The following ASXL1 variants were observed in gnomAD, a reference collection of about 807,000 sequenced individuals.
ASXL1 encodes the protein polycomb group protein ASXL1.
In ASXL1, 65 loss-of-function variants were observed where a neutral mutation model predicts 89.1. The ratio of observed to expected loss-of-function variants is 0.73; its 90% CI spans 0.60 to 0.90. The LOEUF is 0.90. ASXL1 is among the 40% of genes least tolerant of loss of function. The pLI, the probability that ASXL1 is intolerant of heterozygous loss-of-function variation, is 0.00. For synonymous variants in ASXL1, 739 were observed against 746.9 expected (o/e 0.99, Z 0.17); for missense variants, 1,786 against 1,942.9 (o/e 0.92, Z 1.52).
At chr20:32,368,621 G>A (rs146501230) in intron 3 of ASXL1, among the ~76,000 whole-genome samples, 128 of 152,220 alleles carry the variant, frequency 8.4e-4, no homozygotes, top group African/African-American at 3.0e-3. Flanking sequence ...CAGTTTCTGA[G>A]TATGATATGT....
chr20:32,385,161 G>C (rs1449457500), intron 4 of ASXL1, among the ~76,000 whole-genome samples: 1 of 152,176 alleles, frequency 6.6e-6, no homozygotes, highest in Non-Finnish European at 1.5e-5. Context: ...CCAGACAGAC[G>C]TTATACTCCT....
rs1266341581 is a variant in ASXL1 at position 32,433,774 on chromosome 20, T to A, written c.1576T>A (p.Ser526Thr). 1.1e-5 allele frequency: 17 copies of A among 1,613,982 alleles called. No homozygotes were observed. Among genetic ancestry groups the A allele is most frequent in the Non-Finnish European group, 1.4e-5 (16 of 1,180,030 alleles). Reference sequence around the variant, plus strand: ...GGAACCCAAGGATCAGAAGAGGAAATCCTTTGAGCAGGCGGCCTCTGCATC... The same window carrying A: ...GGAACCCAAGGATCAGAAGAGGAAAACCTTTGAGCAGGCGGCCTCTGCATC... ...DQEPKDQKRK[S>T]FEQAASASFP... is the part of the protein sequence containing the mutation. The change falls in exon 12 of 13, where the codon TCC becomes ACC. Residue 526 changes from serine to threonine, a missense_variant. Around this residue, in one of 3 missense-constraint regions of ASXL1, gnomAD observed 1,418 missense variants for 1,427.8 expected, o/e 0.99. Transcript: ENST00000375687.
intron 4 of ASXL1, among the ~76,000 whole-genome samples, chr20:32,397,154 C>T (rs1187355820): frequency 2.0e-5 from 3 of 146,846 alleles, no homozygotes; most frequent in Non-Finnish European, 3.0e-5. Flanking sequence ...AAGCAGTTCT[C>T]CTGCCTCAGC....
intron 1 of ASXL1, chr20:32,359,565 C>A (rs2048074883): frequency 3.0e-6 from 2 of 657,628 alleles, no homozygotes; most frequent in African/African-American, 1.8e-5. Flanking sequence ...TTGAGAAACG[C>A]AGACTGGGCT....
At chr20:32,377,424 G>A (rs2048405136) in intron 4 of ASXL1, among the ~76,000 whole-genome samples, 1 of 151,904 alleles carries the variant, frequency 6.6e-6, no homozygotes, top group East Asian at 1.9e-4. Context: ...TTTTGGGCAT[G>A]ACAAAGGGTT....
chr20:32,404,810 C>G (rs919058963), intron 4 of ASXL1, among the ~76,000 whole-genome samples: 15 of 152,240 alleles, frequency 9.9e-5, no homozygotes, highest in African/African-American at 3.6e-4. Context: ...AGGACGTTTT[C>G]TTCTATTCCT....
chr20:32,375,619 A>G lies in ASXL1; in HGVS notation c.252+6496A>G, dbSNP rs1466371102. Among the ~76,000 whole-genome samples, 4 of 152,058 alleles carry G rather than the reference A, an allele frequency of 2.6e-5. 1 individual carries two copies. In the Middle Eastern group the frequency reaches 0.01, roughly 388 times the overall value. On this transcript the variant is annotated intron_variant, in intron 4 of 12. Transcript: ENST00000375687. Reference sequence around the variant, plus strand: ...GTGGCCTAAAATCCTGTATCCAATCATGATATTTTTGAACAATCCAGACTA... The same window carrying G: ...GTGGCCTAAAATCCTGTATCCAATCGTGATATTTTTGAACAATCCAGACTA...
chr20:32,422,788 T>C (rs1396347458), intron 4 of ASXL1, among the ~76,000 whole-genome samples: 2 of 151,802 alleles, frequency 1.3e-5, no homozygotes, highest in East Asian at 1.9e-4. Context: ...GGTTTCACCA[T>C]GTTGGCCAGG....
At chr20:32,426,088 G>GT (rs1425774027) in intron 4 of ASXL1, among the ~76,000 whole-genome samples, 1 of 152,100 alleles carries the variant, frequency 6.6e-6, no homozygotes, top group East Asian at 1.9e-4. Context: ...AGGTAATAAT[G>GT]TTTTTTGATG....
At chr20:32,414,342 A>G (rs1408686855) in intron 4 of ASXL1, among the ~76,000 whole-genome samples, 4 of 150,588 alleles carry the variant, frequency 2.7e-5, no homozygotes, top group African/African-American at 9.8e-5. Context: ...CTAGGAGATA[A>G]TCTGTTGTTT....
In ASXL1 at chr20:32,358,742, C is replaced by T. The variant is rs2048055215; in HGVS notation, c.-34C>T. ...CCCCAGCCCGCCCAGCCCGGAGGTCCCGCGTGGAGCTGCCGCCGCCGCCGG... is the reference window on the plus strand; with the variant it reads ...CCCCAGCCCGCCCAGCCCGGAGGTCTCGCGTGGAGCTGCCGCCGCCGCCGG... On this transcript the variant is annotated 5_prime_UTR_variant, in exon 1 of 13. Coordinates refer to ENST00000375687, the MANE Select transcript of ASXL1 (RefSeq NM_015338.6). 2.2e-6 allele frequency: 3 copies of T among 1,391,774 alleles called. No homozygotes were observed. Among genetic ancestry groups the T allele is most frequent in the Non-Finnish European group, 2.9e-6 (3 of 1,039,580 alleles). The allele number at this position is 1,391,774 out of a possible 1,614,324, so 86.2% of individuals were successfully genotyped here. A position where few individuals can be genotyped will look rare whatever the true frequency, so the allele number is the denominator to read the frequency against.
chr20:32,367,639 G>A (rs1600473116), intron 2 of ASXL1, 88 bp from the exon 3 acceptor site: 3 of 775,292 alleles, frequency 3.9e-6, no homozygotes, highest in East Asian at 4.8e-5. Context: ...CCACTGTGTA[G>A]TGTTATAATT....
chr20:32,381,455 G>T (rs2048483533), intron 4 of ASXL1, among the ~76,000 whole-genome samples: 1 of 151,386 alleles, frequency 6.6e-6, no homozygotes, highest in African/African-American at 2.4e-5. Flanking sequence ...ACCTGCCTCA[G>T]CCTCCCAAAA....
chr20:32,371,994 A>G, intron 4 of ASXL1: 1 of 609,370 alleles, frequency 1.6e-6, no homozygotes. Flanking sequence ...TATGCCTGTT[A>G]ATGGTATATT....
intron 4 of ASXL1, among the ~76,000 whole-genome samples, chr20:32,389,003 T>TTTTA (rs200840820): frequency 0.019 from 2,847 of 146,074 alleles, 86 homozygotes; most frequent in Admixed American, 0.085. Flanking sequence ...TTACACTCTA[T>TTTTA]TTTATTTATT....
intron 4 of ASXL1, among the ~76,000 whole-genome samples, chr20:32,426,541 C>CTTTTTTGTTTTTTT (rs2011294850): frequency 2.2e-5 from 2 of 92,564 alleles, no homozygotes; most frequent in East Asian, 5.3e-4. Context: ...AAACTGTTTT[C>CTTTTTTGTTTTTTT]TTTTTTTTCT....
At chr20:32,387,825 G>C (rs2048605146) in intron 4 of ASXL1, among the ~76,000 whole-genome samples, 1 of 152,172 alleles carries the variant, frequency 6.6e-6, no homozygotes, top group Admixed American at 6.5e-5. Flanking sequence ...TACCTCCTCA[G>C]TATCTCTATT....
chr20:32,436,997 T>G lies in ASXL1; in HGVS notation c.4285T>G (p.Ser1429Ala). 6.2e-7 allele frequency: 1 copy of G among 1,614,022 alleles called. No homozygotes were observed. The highest frequency in any genetic ancestry group is 8.5e-7 in the Non-Finnish European group (1 of 1,179,982). ...KGLSEPLEPS[S>A]LPSQLSIKQA... The stretch of plus-strand genomic sequence containing the variant: ...GCTCAGTGAGCCTCTGGAGCCTTCT[T>G]CTCTCCCCTCCCAACTCAGCATCAA... Residue 1429 changes from serine to alanine, a missense_variant, in exon 13 of 13, where the codon TCT becomes GCT. Coordinates refer to ENST00000375687, the MANE Select transcript of ASXL1 (RefSeq NM_015338.6).
Position 32,433,967 on chromosome 20 carries a change from G to A in ASXL1, c.1719+50G>A, listed in dbSNP as rs753121408. On this transcript the variant is annotated intron_variant, in intron 12 of 12. Transcript: ENST00000375687. ...TGCCCTGGAGCCAGGTTTTCTTTGA[G>A]GGTCATGAGATTATAGAGCCCTTAA... 9 of 1,604,912 alleles carry A rather than the reference G, an allele frequency of 5.6e-6. No individual in the cohort carries two copies. The South Asian group carries it at 8.8e-5, about 16-fold the overall frequency.
Sources: allele counts gnomAD v4.1 joint callset (sites outside exome capture counted in the v4.1 genomes callset), GRCh38; gene constraint gnomAD v4.1.1; regional missense constraint gnomAD v4.1.1; transcripts MANE v1.5; gene names NCBI Gene and HGNC (gene_info 2026-07-23, HGNC 2026-07-21).